The following STAU2 variants were observed in gnomAD, a reference collection of about 807,000 sequenced individuals.
The protein encoded by STAU2 is double-stranded RNA-binding protein Staufen homolog 2.
Under a neutral mutation model 65.9 loss-of-function variants are expected in STAU2, and 20 were observed. The observed-to-expected ratio is 0.30, with a 90% confidence interval of 0.21 to 0.44. The LOEUF (loss-of-function observed/expected upper bound fraction) is 0.44, where lower values mean the gene tolerates loss of function less well. Ranked by LOEUF, STAU2 falls within the 20% of genes least tolerant of loss-of-function variation. STAU2 has a pLI of 1.00. For missense variants in STAU2, 558 were observed against 683.9 expected (o/e 0.82, Z 2.05); for synonymous variants, 232 against 233.9 (o/e 0.99, Z 0.07).
chr8:73,729,377 T>C (rs574177178), intron 3 of STAU2, among the ~76,000 whole-genome samples: 1 of 152,234 alleles, frequency 6.6e-6, no homozygotes, highest in South Asian at 2.1e-4. Context: ...TCGCATTACG[T>C]CTTTGTTTGG....
chr8:73,590,015 GAGA>G (rs149749107), intron 11 of STAU2, among the ~76,000 whole-genome samples: 4,232 of 150,654 alleles, frequency 0.028, 169 homozygotes, highest in African/African-American at 0.094. Context: ...GGGAAGAGGA[GAGA>G]AGAAGAACAA....
At chr8:73,486,777 C>G (rs1336751127) in intron 13 of STAU2, among the ~76,000 whole-genome samples, 1 of 151,620 alleles carries the variant, frequency 6.6e-6, no homozygotes, top group Non-Finnish European at 1.5e-5. Flanking sequence ...CTCAGCCTAC[C>G]AAGTAGCTGG....
chr8:73,651,389 G>A, intron 6 of STAU2: 1 of 670,680 alleles, frequency 1.5e-6, no homozygotes, highest in African/African-American at 1.8e-5. Flanking sequence ...GCTGGCCAGG[G>A]AAATGCAGCT....
chr8:73,666,550 T>C (rs1044236982), intron 6 of STAU2, among the ~76,000 whole-genome samples: 2 of 152,212 alleles, frequency 1.3e-5, no homozygotes, highest in African/African-American at 2.4e-5. Context: ...ATAGTCCAAA[T>C]TGTTTTCTTC....
intron 13 of STAU2, among the ~76,000 whole-genome samples, chr8:73,527,192 T>C (rs1237354217): frequency 6.6e-6 from 1 of 152,234 alleles, no homozygotes; most frequent in Non-Finnish European, 1.5e-5. Flanking sequence ...TGGTAGGCTC[T>C]AGTATTTAGG....
chr8:73,542,847 G>GTC (rs1806634729), intron 13 of STAU2, among the ~76,000 whole-genome samples: 1 of 152,112 alleles, frequency 6.6e-6, no homozygotes, highest in Non-Finnish European at 1.5e-5. Context: ...TGTAATGTAT[G>GTC]TAATACATTA....
At chr8:73,655,810 G>A (rs1311439505) in intron 6 of STAU2, among the ~76,000 whole-genome samples, 5 of 151,612 alleles carry the variant, frequency 3.3e-5, no homozygotes, top group Non-Finnish European at 7.4e-5. Context: ...CACCACACCC[G>A]GCTAATTTTT....
chr8:73,433,007 C>G (rs531370740), intron 13 of STAU2, among the ~76,000 whole-genome samples: 1 of 152,172 alleles, frequency 6.6e-6, no homozygotes, highest in South Asian at 2.1e-4. Context: ...TTTCTGCAGT[C>G]AAGCTCTTAG....
chr8:73,493,984 T>C (rs1821270782), intron 13 of STAU2, among the ~76,000 whole-genome samples: 1 of 151,772 alleles, frequency 6.6e-6, no homozygotes, highest in Admixed American at 6.6e-5. Context: ...TTACATTTCA[T>C]TTACATAAGG....
chr8:73,552,019 C>G lies in STAU2; in HGVS notation c.1523G>C (p.Gly508Ala), dbSNP rs751373965. Reference protein sequence around the residue: ...KQLEYLARIQGFQAALSALKQ... With the variant: ...KQLEYLARIQAFQAALSALKQ... ...TTTGCTTTTAATTCATACCTGAAAGCCTTGAATCCTTGCTAAATATTCCAG... is the reference window on the plus strand; with the variant it reads ...TTTGCTTTTAATTCATACCTGAAAGGCTTGAATCCTTGCTAAATATTCCAG... The change falls in exon 13 of 15, where the codon GGC becomes GCC. Residue 508 changes from glycine (G) to alanine (A), a missense_variant. By Grantham distance (60) the Gly-to-Ala change is moderately conservative (BLOSUM62 0). Coordinates refer to ENST00000524300, the MANE Select transcript of STAU2 (RefSeq NM_001164380.2). 3.9e-6 allele frequency: 6 copies of G among 1,555,530 alleles called. No homozygotes were observed. The highest frequency in any genetic ancestry group is 5.2e-6 in the Non-Finnish European group (6 of 1,153,908).
At chr8:73,506,587 G>A (rs1423124581) in intron 13 of STAU2, among the ~76,000 whole-genome samples, 1 of 152,148 alleles carries the variant, frequency 6.6e-6, no homozygotes, top group Non-Finnish European at 1.5e-5. Context: ...ATTGCTGGTG[G>A]AGGGTCTTGC....
chr8:73,515,361 G>A (rs1056827434), intron 13 of STAU2, among the ~76,000 whole-genome samples: 2 of 152,116 alleles, frequency 1.3e-5, no homozygotes, highest in Admixed American at 6.5e-5. Context: ...CCTGAATGTC[G>A]GTTCTGCCAG....
At chr8:73,529,381 C>T (rs902844982) in intron 13 of STAU2, among the ~76,000 whole-genome samples, 4 of 152,160 alleles carry the variant, frequency 2.6e-5, no homozygotes, top group African/African-American at 9.7e-5. Context: ...TGATATAGTG[C>T]TATTATAAAA....
intron 13 of STAU2, among the ~76,000 whole-genome samples, chr8:73,473,709 T>G (rs1444935109): frequency 6.6e-6 from 1 of 152,178 alleles, no homozygotes. Flanking sequence ...CACTGCCTAG[T>G]CTAACACCTC....
At chr8:73,671,143 C>A (rs1427745494) in intron 6 of STAU2, among the ~76,000 whole-genome samples, 1 of 152,026 alleles carries the variant, frequency 6.6e-6, no homozygotes, top group Non-Finnish European at 1.5e-5. Context: ...AAAACTACTA[C>A]TTGATGGCCA....
chr8:73,605,842 TACACACACACACACACAC>T (rs1176899097), intron 9 of STAU2, among the ~76,000 whole-genome samples: 213 of 118,396 alleles, frequency 1.8e-3, no homozygotes, highest in African/African-American at 6.4e-3. Flanking sequence ...CACATACACA[TACACACACACACACACAC>T]ACACACACAC....
intron 9 of STAU2, among the ~76,000 whole-genome samples, chr8:73,608,612 T>TA (rs61070069): frequency 0.86 from 116,953 of 136,288 alleles, 50,202 homozygotes; most frequent in East Asian, 0.96. Context: ...CTCCGTCCCA[T>TA]AAAAAAAAAA....
chr8:73,423,220 A>G (rs1307058819), intron 13 of STAU2, among the ~76,000 whole-genome samples: 2 of 152,184 alleles, frequency 1.3e-5, no homozygotes, highest in African/African-American at 4.8e-5. Flanking sequence ...GGATCCTGAG[A>G]GGATGAGGAA....
chr8:73,681,222 C>G (rs531456722), intron 5 of STAU2, among the ~76,000 whole-genome samples: 2 of 152,076 alleles, frequency 1.3e-5, no homozygotes, highest in Non-Finnish European at 2.9e-5. Flanking sequence ...GGCAAAAGCA[C>G]CAGGTAACCT....
Sources: allele counts gnomAD v4.1 joint callset (sites outside exome capture counted in the v4.1 genomes callset), GRCh38; gene constraint gnomAD v4.1.1; transcripts MANE v1.5; gene names NCBI Gene and HGNC (gene_info 2026-07-23, HGNC 2026-07-21).